The following DIAPH2 variants were observed in gnomAD, a reference collection of about 807,000 sequenced individuals.
DIAPH2 encodes protein diaphanous homolog 2.
A neutral mutation model predicts 92.7 loss-of-function variants in DIAPH2; 35 were observed. The observed-to-expected ratio is 0.38, with a 90% CI of 0.29 to 0.50. DIAPH2 has a LOEUF of 0.50. DIAPH2 is among the 20% of genes least tolerant of loss of function. DIAPH2 has a pLI of 0.94. For missense variants in DIAPH2, 701 were observed against 819.5 expected, an observed-to-expected ratio of 0.86 and a Z score of 1.77; for synonymous variants, 301 against 280.4, an observed-to-expected ratio of 1.07 and a Z score of -0.73.
At chrX:97,159,713 A>G (rs1453420678) in intron 22 of DIAPH2, among the ~76,000 whole-genome samples, 4 of 112,274 alleles carry the variant, frequency 3.6e-5, no homozygotes, top group Non-Finnish European at 5.6e-5. Flanking sequence ...AATTAATCTC[A>G]TTTTTCTGGT....
chrX:96,921,660 C>A (rs1232913656), intron 9 of DIAPH2, among the ~76,000 whole-genome samples: 1 of 106,931 alleles, frequency 9.4e-6, no homozygotes, highest in Non-Finnish European at 1.9e-5. Flanking sequence ...CCTTGACTTT[C>A]TAGGCACCAT....
At chrX:97,180,487 G>C (rs914209245) in intron 22 of DIAPH2, among the ~76,000 whole-genome samples, 1 of 111,819 alleles carries the variant, frequency 8.9e-6, no homozygotes, top group Non-Finnish European at 1.9e-5. Flanking sequence ...TTCTTTTGCT[G>C]TGCAGAAGCT....
At chrX:97,205,028 A>T (rs186017566) in intron 22 of DIAPH2, among the ~76,000 whole-genome samples, 2 of 110,886 alleles carry the variant, frequency 1.8e-5, no homozygotes, top group Admixed American at 1.9e-4. Flanking sequence ...CACACATCTA[A>T]AACCATCTGA....
intron 4 of DIAPH2, among the ~76,000 whole-genome samples, chrX:96,856,870 C>T (rs2065043734): frequency 9.1e-6 from 1 of 110,205 alleles, no homozygotes; most frequent in Non-Finnish European, 1.9e-5. Context: ...AACCCTGTCT[C>T]TACTAAAAAT....
At chrX:96,892,133 A>T (rs1028234112) in intron 5 of DIAPH2, among the ~76,000 whole-genome samples, 2 of 111,992 alleles carry the variant, frequency 1.8e-5, no homozygotes, top group African/African-American at 6.5e-5. Context: ...AACTTATTAA[A>T]AGCTTGGCAA....
intron 17 of DIAPH2, among the ~76,000 whole-genome samples, chrX:96,979,447 T>TCCTTTGTTCCTG (rs2065980733): frequency 8.9e-6 from 1 of 112,273 alleles, no homozygotes; most frequent in Non-Finnish European, 1.9e-5. Context: ...GTACTTAGAC[T>TCCTTTGTTCCTG]GAACTCCTTT....
At chrX:97,113,322 G>A (rs1221642716) in intron 20 of DIAPH2, among the ~76,000 whole-genome samples, 1 of 111,463 alleles carries the variant, frequency 9.0e-6, no homozygotes, top group Non-Finnish European at 1.9e-5. Flanking sequence ...TCTATGTTGA[G>A]TTTCAGACTA....
intron 23 of DIAPH2, chrX:97,341,483 A>G (rs2069113545): frequency 9.1e-6 from 1 of 110,479 alleles, no homozygotes; most frequent in African/African-American, 3.3e-5. Context: ...ATATATATAT[A>G]TTTCTTTTTT....
chrX:96,709,841 C>T (rs1287940010), intron 1 of DIAPH2, among the ~76,000 whole-genome samples: 4 of 111,920 alleles, frequency 3.6e-5, no homozygotes, highest in Admixed American at 9.5e-5. Context: ...GAATGATCAT[C>T]GTAGTCAAAC....
At chrX:97,220,496 A>G (rs958008580) in intron 22 of DIAPH2, among the ~76,000 whole-genome samples, 2 of 111,882 alleles carry the variant, frequency 1.8e-5, no homozygotes, top group African/African-American at 3.2e-5. Context: ...CTGTTCCACC[A>G]TCTGCTCCCC....
chrX:96,958,790 C>T (rs755380306), intron 16 of DIAPH2, among the ~76,000 whole-genome samples: 1 of 111,620 alleles, frequency 9.0e-6, no homozygotes, highest in Admixed American at 9.5e-5. Context: ...CTTCATGATA[C>T]TCACTTTTTA....
chrX:96,691,083 T>C (rs761746018), intron 1 of DIAPH2, among the ~76,000 whole-genome samples: 1 of 112,124 alleles, frequency 8.9e-6, no homozygotes, highest in Admixed American at 9.5e-5. Flanking sequence ...TGAAATCATG[T>C]TCTTTTCCAA....
chrX:96,948,366 G>A (rs2065751372), intron 14 of DIAPH2, among the ~76,000 whole-genome samples: 1 of 111,712 alleles, frequency 9.0e-6, no homozygotes, highest in Non-Finnish European at 1.9e-5. Flanking sequence ...CAGAGGTCAG[G>A]AGTTCAAGAT....
chrX:97,416,850 C>T (rs181193179), intron 25 of DIAPH2, among the ~76,000 whole-genome samples: 1,441 of 112,235 alleles, frequency 0.013, 24 homozygotes, highest in African/African-American at 0.045. Context: ...AATTAAGTAA[C>T]AGACACTCCC....
intron 4 of DIAPH2, among the ~76,000 whole-genome samples, chrX:96,868,677 A>C (rs1478556962): frequency 9.0e-6 from 1 of 111,570 alleles, no homozygotes; most frequent in Non-Finnish European, 1.9e-5. Context: ...GTTGTTGCTT[A>C]CCATACCTGA....
chrX:96,849,936 C>G (rs1365884671), intron 4 of DIAPH2, among the ~76,000 whole-genome samples: 1 of 99,017 alleles, frequency 1.0e-5, no homozygotes, highest in Non-Finnish European at 2.0e-5. Flanking sequence ...CTTAAGAAAG[C>G]ATGGTAGGAT....
chrX:96,941,326 A>C (rs1569431630), intron 12 of DIAPH2, among the ~76,000 whole-genome samples: 1 of 112,085 alleles, frequency 8.9e-6, no homozygotes, highest in Non-Finnish European at 1.9e-5. Flanking sequence ...CTTTTAAAAA[A>C]TTTTGCAGTA....
intron 4 of DIAPH2, among the ~76,000 whole-genome samples, chrX:96,857,704 C>T (rs1018309269): frequency 8.9e-6 from 1 of 112,391 alleles, no homozygotes; most frequent in Non-Finnish European, 1.9e-5. Context: ...AAAACACTGA[C>T]CCAGGAGTAG....
At chrX:97,596,441 T>G (rs1459028813) in intron 26 of DIAPH2, among the ~76,000 whole-genome samples, 1 of 112,067 alleles carries the variant, frequency 8.9e-6, no homozygotes, top group African/African-American at 3.2e-5. Context: ...GGTAAATACA[T>G]GTGTTGTCAA....
Sources: gnomAD v4.1 joint callset for allele counts (sites outside exome capture counted in the v4.1 genomes callset) on GRCh38, gnomAD v4.1.1 for gene constraint, MANE v1.5 for transcripts, NCBI Gene and HGNC (gene_info 2026-07-23, HGNC 2026-07-21) for gene names.